Variants in TMEM132D observed in about 807,000 individuals in gnomAD.
TMEM132D encodes the protein mature OL transmembrane protein.
Under a neutral mutation model 62.3 loss-of-function variants are expected in TMEM132D, and 21 were observed. The ratio of observed to expected loss-of-function variants is 0.34; its 90% confidence interval spans 0.24 to 0.49. TMEM132D has a LOEUF of 0.49. TMEM132D is among the 20% of genes least tolerant of loss of function. TMEM132D has a pLI of 0.99. For missense variants in TMEM132D, 1,346 were observed against 1,402.8 expected (o/e 0.96, Z 0.65); for synonymous variants, 621 against 575.6 (o/e 1.08, Z -1.13).
rs142752383 is a variant in TMEM132D at position 129,886,459 on chromosome 12, A to T, written c.79+16802T>A. 3.8e-3 allele frequency among the ~76,000 whole-genome samples: 576 copies of T among 152,330 alleles called. 4 individuals carry two copies. Among genetic ancestry groups the T allele is most frequent in the African/African-American group, 0.013 (539 of 41,568 alleles). On this transcript the variant is annotated intron_variant, in intron 1 of 8. Coordinates refer to ENST00000422113, the MANE Select transcript of TMEM132D (RefSeq NM_133448.3). ...ATCAGAAAATATACAGACGTTAAGG[A>T]TGTAAAACAAATTCCCTTTAAAACA...
intron 2 of TMEM132D, among the ~76,000 whole-genome samples, chr12:129,569,811 C>T (rs1166407598): frequency 6.6e-6 from 1 of 152,152 alleles, no homozygotes; most frequent in Non-Finnish European, 1.5e-5. Context: ...GTTAAATTAT[C>T]ACCCACTGGC....
chr12:129,797,417 C>A (rs73429400), intron 1 of TMEM132D, among the ~76,000 whole-genome samples: 13,029 of 152,232 alleles, frequency 0.086, 710 homozygotes, highest in African/African-American at 0.14. Context: ...TGCACAGGAA[C>A]ACCCAGAGCA....
At chr12:129,574,971 A>T (rs1352550986) in intron 2 of TMEM132D, among the ~76,000 whole-genome samples, 1 of 151,694 alleles carries the variant, frequency 6.6e-6, no homozygotes, top group Non-Finnish European at 1.5e-5. Context: ...GCTTGCAGAG[A>T]CGCAGCCAGA....
chr12:129,134,288 A>T (rs1017967532), intron 5 of TMEM132D, among the ~76,000 whole-genome samples: 4 of 152,176 alleles, frequency 2.6e-5, no homozygotes, highest in Admixed American at 6.5e-5. Flanking sequence ...CAAATTACAA[A>T]TGACACAATT....
At chr12:129,364,307 G>A (rs1369877416) in intron 3 of TMEM132D, among the ~76,000 whole-genome samples, 1 of 152,186 alleles carries the variant, frequency 6.6e-6, no homozygotes, top group Admixed American at 6.5e-5. Context: ...TGGGTATAGT[G>A]TGCAGATGGT....
intron 1 of TMEM132D, among the ~76,000 whole-genome samples, chr12:129,801,198 T>C (rs1342592554): frequency 6.6e-6 from 1 of 152,202 alleles, no homozygotes; most frequent in East Asian, 1.9e-4. Flanking sequence ...AAGCTCCAAC[T>C]GGGTGGAGCC....
intron 3 of TMEM132D, among the ~76,000 whole-genome samples, chr12:129,496,532 C>T (rs1874961554): frequency 6.6e-6 from 1 of 151,960 alleles, no homozygotes; most frequent in Admixed American, 6.5e-5. Flanking sequence ...GAATAATGAT[C>T]AAGGTAAGGA....
chr12:129,379,371 A>G (rs1328468819), intron 3 of TMEM132D, among the ~76,000 whole-genome samples: 1 of 152,170 alleles, frequency 6.6e-6, no homozygotes, highest in Admixed American at 6.5e-5. Context: ...GAATGAATGA[A>G]ACTGTGATAA....
chr12:129,480,934 A>C (rs901472102), intron 3 of TMEM132D, among the ~76,000 whole-genome samples: 2 of 152,110 alleles, frequency 1.3e-5, no homozygotes, highest in African/African-American at 4.8e-5. Flanking sequence ...TTTGGAGACA[A>C]CCCGGACCCC....
chr12:129,272,292 G>T (rs77002133), intron 4 of TMEM132D, among the ~76,000 whole-genome samples: 6,827 of 151,920 alleles, frequency 0.045, 379 homozygotes, highest in Admixed American at 0.15. Flanking sequence ...AGATCAGTAA[G>T]TTGTGTGTGC....
intron 5 of TMEM132D, chr12:129,085,356 G>C (rs1874583523): frequency 6.6e-6 from 1 of 152,322 alleles, no homozygotes; most frequent in Non-Finnish European, 1.5e-5. Context: ...CCCTAGAGGG[G>C]CTCGACGAGG....
chr12:129,781,277 C>T (rs1660076516), intron 1 of TMEM132D, among the ~76,000 whole-genome samples: 1 of 152,082 alleles, frequency 6.6e-6, no homozygotes, highest in Admixed American at 6.5e-5. Context: ...AGATTTCTGA[C>T]TTGTGTTTCA....
intron 2 of TMEM132D, among the ~76,000 whole-genome samples, chr12:129,567,427 GT>G (rs1877397911): frequency 2.0e-5 from 3 of 152,146 alleles, no homozygotes; most frequent in Admixed American, 2.0e-4. Flanking sequence ...CACGTGACAA[GT>G]TTTAGTGTAG....
intron 4 of TMEM132D, among the ~76,000 whole-genome samples, chr12:129,214,265 C>T (rs55956625): frequency 0.64 from 96,479 of 151,628 alleles, 30,818 homozygotes; most frequent in East Asian, 0.68. Context: ...AATTAGAGTG[C>T]TTTTTATTTT....
intron 5 of TMEM132D, among the ~76,000 whole-genome samples, chr12:129,190,049 G>A (rs75090440): frequency 0.03 from 4,412 of 147,634 alleles, 153 homozygotes; most frequent in African/African-American, 0.055. Context: ...TGAAGATGCA[G>A]GGAAGGGTCT....
chr12:129,871,735 G>T (rs1874249867), intron 1 of TMEM132D, among the ~76,000 whole-genome samples: 1 of 152,118 alleles, frequency 6.6e-6, no homozygotes, highest in Non-Finnish European at 1.5e-5. Context: ...TAGCCATGTG[G>T]GCGTGAGAAC....
chr12:129,799,681 C>T (rs375047766), intron 1 of TMEM132D, among the ~76,000 whole-genome samples: 1 of 152,104 alleles, frequency 6.6e-6, no homozygotes, highest in Non-Finnish European at 1.5e-5. Context: ...GCCTGGTCCT[C>T]GTTAGTACCT....
At chr12:129,352,539 A>G (rs906666327) in intron 3 of TMEM132D, among the ~76,000 whole-genome samples, 5 of 152,094 alleles carry the variant, frequency 3.3e-5, no homozygotes, top group Non-Finnish European at 7.4e-5. Flanking sequence ...TCCAGAATCT[A>G]CAAGGAACTT....
chr12:129,632,271 C>A (rs1033031051), intron 2 of TMEM132D, among the ~76,000 whole-genome samples: 1 of 151,992 alleles, frequency 6.6e-6, no homozygotes, highest in Non-Finnish European at 1.5e-5. Flanking sequence ...TGGCTGAGGA[C>A]GGAAGGAGAA....
Sources: gnomAD v4.1 joint callset for allele counts (sites outside exome capture counted in the v4.1 genomes callset) on GRCh38, gnomAD v4.1.1 for gene constraint, MANE v1.5 for transcripts, NCBI Gene and HGNC (gene_info 2026-07-23, HGNC 2026-07-21) for gene names.